ANLN: variants seen among roughly 807,000 people sequenced by gnomAD.
ANLN encodes anillin.
Under a neutral mutation model 135.1 loss-of-function variants are expected in ANLN, and 59 were observed. That is an observed-to-expected ratio of 0.44 (90% CI 0.35 to 0.54). The LOEUF is 0.54. ANLN is among the 20% of genes least tolerant of loss of function. ANLN has a pLI of 0.00. For missense variants in ANLN, 1,182 were observed against 1,340.0 expected, an observed-to-expected ratio of 0.88 and a Z score of 1.84; for synonymous variants, 406 against 456.4, an observed-to-expected ratio of 0.89 and a Z score of 1.41.
At chr7:36,439,320 C>G (rs771054576) in intron 21 of ANLN, 30 bp downstream of exon 21, 1 of 1,236,052 alleles carries the variant, frequency 8.1e-7, no homozygotes. Flanking sequence ...CTTTAACTTC[C>G]TTTTTTCCAT....
intron 8 of ANLN, among the ~76,000 whole-genome samples, chr7:36,416,435 T>A (rs1042238666): frequency 6.6e-6 from 1 of 152,220 alleles, no homozygotes. Flanking sequence ...CTTTCAATGC[T>A]GTGTTGAATA....
chr7:36,412,329 T>TATATATATA (rs1562796065), intron 7 of ANLN, among the ~76,000 whole-genome samples: 120 of 61,536 alleles, frequency 2.0e-3, no homozygotes, highest in African/African-American at 4.9e-3. Context: ...ATATATATAT[T>TATATATATA]TTTTTTTTTT....
intron 5 of ANLN, among the ~76,000 whole-genome samples, chr7:36,408,377 A>G (rs1399621004): frequency 2.0e-5 from 3 of 152,180 alleles, no homozygotes; most frequent in Admixed American, 2.0e-4. Flanking sequence ...GTGCATGCAA[A>G]TGACTCCACT....
At chr7:36,434,009 A>G (rs1562814403) in intron 20 of ANLN, among the ~76,000 whole-genome samples, 1 of 152,076 alleles carries the variant, frequency 6.6e-6, no homozygotes, top group East Asian at 1.9e-4. Context: ...TGGATCTGCT[A>G]TTGACAGGAT....
chr7:36,407,804 A>C lies in ANLN; in HGVS notation c.944A>C (p.Glu315Ala). The change falls in exon 5 of 24, where the codon GAG becomes GCG. Residue 315 changes from glutamate to alanine, a missense_variant. Transcript: ENST00000265748. ...DAKSCEGQNPELLPKTPISPL... is the reference protein window; with the variant it reads ...DAKSCEGQNPALLPKTPISPL... ...AAAAGTTGTGAGGGACAAAATCCTG[A>C]GCTACTTCCAAAAACTCCTATTAGT... 1 of 1,613,904 alleles carries C rather than the reference A, an allele frequency of 6.2e-7. No homozygotes were observed. The highest frequency in any genetic ancestry group is 2.2e-5 in the East Asian group (1 of 44,850).
At chr7:36,424,020 G>T in intron 15 of ANLN, 77 bp downstream of exon 15, 1 of 1,434,886 alleles carries the variant, frequency 7.0e-7, no homozygotes, top group Non-Finnish European at 9.3e-7. Flanking sequence ...GCATTCAGGT[G>T]GCATTTATAA....
intron 20 of ANLN, among the ~76,000 whole-genome samples, chr7:36,431,564 TG>T (rs1788314148): frequency 9.9e-5 from 1 of 10,070 alleles, no homozygotes; most frequent in Non-Finnish European, 3.5e-4. Context: ...TGTGTGTTTG[TG>T]TGTGTGTGTG....
chr7:36,423,364 T>C (rs1787957371), intron 14 of ANLN, among the ~76,000 whole-genome samples: 1 of 152,120 alleles, frequency 6.6e-6, no homozygotes, highest in African/African-American at 2.4e-5. Context: ...TTAGTATGCG[T>C]CTGGAGGTAC....
chr7:36,425,125 GTTCTT>G (rs1016364730), intron 17 of ANLN, among the ~76,000 whole-genome samples: 4 of 151,366 alleles, frequency 2.6e-5, no homozygotes, highest in East Asian at 1.9e-4. Flanking sequence ...CCCAGTCTGT[GTTCTT>G]TTCTTAAGTC....
intron 20 of ANLN, among the ~76,000 whole-genome samples, chr7:36,433,604 T>C (rs755830132): frequency 6.6e-6 from 1 of 152,192 alleles, no homozygotes; most frequent in African/African-American, 2.4e-5. Flanking sequence ...TCAGCCATTG[T>C]CTCTTAAAGT....
chr7:36,433,910 T>C (rs1486854981), intron 20 of ANLN, among the ~76,000 whole-genome samples: 5 of 152,164 alleles, frequency 3.3e-5, no homozygotes, highest in African/African-American at 1.2e-4. Context: ...TTCTCCATTT[T>C]CTCACTAATT....
chr7:36,447,415 A>ATT (rs1583663335), intron 22 of ANLN, among the ~76,000 whole-genome samples: 2 of 121,280 alleles, frequency 1.6e-5, no homozygotes, highest in African/African-American at 2.9e-5. Flanking sequence ...ACAGCAGTTG[A>ATT]TCTTTTTTTT....
At chr7:36,397,519 G>A (rs1786756349) in intron 2 of ANLN, among the ~76,000 whole-genome samples, 1 of 152,110 alleles carries the variant, frequency 6.6e-6, no homozygotes, top group Non-Finnish European at 1.5e-5. Flanking sequence ...GCATGTTAAA[G>A]CAGGAACACT....
rs369741766 is a variant in ANLN, at chr7:36,433,666, A to G, written c.2884-5538A>G. On this transcript the variant is annotated intron_variant, in intron 20 of 23. Coordinates refer to ENST00000265748, the MANE Select transcript of ANLN (RefSeq NM_018685.5). ...TCTGAAACTCCAGTTAATGTAGACT[A>G]TTGACTATTTTTCTACAGGTCTGTG... Among the ~76,000 whole-genome samples, 93 of 152,158 alleles carry G rather than the reference A, an allele frequency of 6.1e-4. 1 individual carries two copies. In the South Asian group the frequency reaches 0.019, roughly 31 times the overall value.
chr7:36,438,203 T>G (rs79218431), intron 20 of ANLN, among the ~76,000 whole-genome samples: 11,650 of 152,284 alleles, frequency 0.077, 536 homozygotes, highest in Non-Finnish European at 0.11. Flanking sequence ...GGTGTGGATA[T>G]CTAATTTTCT....
chr7:36,432,888 A>G (rs1788390238), intron 20 of ANLN, among the ~76,000 whole-genome samples: 1 of 152,164 alleles, frequency 6.6e-6, no homozygotes, highest in Non-Finnish European at 1.5e-5. Context: ...TACAATATGA[A>G]CCTCACAACA....
Position 36,398,253 on chromosome 7 carries a change from G to A in ANLN, c.173-826G>A, listed in dbSNP as rs1050412257. On this transcript the variant is annotated intron_variant, in intron 2 of 23. Coordinates refer to ENST00000265748, the MANE Select transcript of ANLN (RefSeq NM_018685.5). ...TTGAAATATGAAATGTTAAATATTT[G>A]TACTGGTGAATTTGTTTGGTATTGA... is the stretch of plus-strand genomic sequence containing the variant. Among the ~76,000 whole-genome samples, 3 of 151,306 alleles carry A rather than the reference G, an allele frequency of 2.0e-5. No homozygotes were observed. In the East Asian group the frequency reaches 5.8e-4, roughly 29 times the overall value.
At chr7:36,400,040 A>G (rs1251842053) in intron 3 of ANLN, among the ~76,000 whole-genome samples, 2 of 152,178 alleles carry the variant, frequency 1.3e-5, no homozygotes, top group African/African-American at 2.4e-5. Flanking sequence ...TTGAAACCAG[A>G]AAAATGAAGT....
intron 9 of ANLN, among the ~76,000 whole-genome samples, chr7:36,418,993 T>C (rs1342571855): frequency 6.6e-6 from 1 of 152,042 alleles, no homozygotes; most frequent in Non-Finnish European, 1.5e-5. Context: ...CTGACCTCAG[T>C]TGATCTGCCC....
Sources: allele counts gnomAD v4.1 joint callset (sites outside exome capture counted in the v4.1 genomes callset), GRCh38; gene constraint gnomAD v4.1.1; transcripts MANE v1.5; gene names NCBI Gene and HGNC (gene_info 2026-07-23, HGNC 2026-07-21).